The following SVOP variants were observed in gnomAD, a reference collection of about 807,000 sequenced individuals.
The protein encoded by SVOP is synaptic vesicle 2-related protein.
SVOP carries 17 observed loss-of-function variants against 69.1 expected under a neutral mutation model. That is an observed-to-expected ratio of 0.25 (90% confidence interval 0.17 to 0.37). The LOEUF is 0.37. Among genes scored for constraint, SVOP ranks in the 10% least tolerant of loss-of-function variants. SVOP has a pLI of 1.00. For missense variants in SVOP, 435 were observed against 597.5 expected (o/e 0.73, Z 2.84); for synonymous variants, 238 against 238.6 (o/e 1.00, Z 0.02).
intron 9 of SVOP, 48 bp from the exon 10 acceptor site, chr12:108,937,385 A>G (rs888432298): frequency 6.3e-7 from 1 of 1,586,024 alleles, no homozygotes; most frequent in Non-Finnish European, 8.7e-7. Context: ...CTACAGATGC[A>G]CGGGAGATGG....
intron 1 of SVOP, among the ~76,000 whole-genome samples, chr12:108,989,051 G>A (rs1471395209): frequency 1.3e-5 from 2 of 152,076 alleles, no homozygotes; most frequent in Non-Finnish European, 2.9e-5. Flanking sequence ...GGTATTACAG[G>A]CATGAGCCAC....
intron 5 of SVOP, among the ~76,000 whole-genome samples, chr12:108,967,421 C>G (rs1263257900): frequency 6.6e-6 from 1 of 151,960 alleles, no homozygotes; most frequent in Non-Finnish European, 1.5e-5. Flanking sequence ...ATCGCTTGAA[C>G]CTGGGAGGCA....
intron 2 of SVOP, among the ~76,000 whole-genome samples, chr12:108,979,537 C>T (rs550669316): frequency 2.0e-5 from 3 of 152,250 alleles, no homozygotes; most frequent in Non-Finnish European, 4.4e-5. Flanking sequence ...CCACCATGCC[C>T]GGCCTGAAAT....
Position 108,919,805 on chromosome 12 carries a change from G to A in SVOP, c.1157-19C>T, listed in dbSNP as rs2039737754. On this transcript the variant is annotated intron_variant, in intron 12 of 15. Coordinates refer to ENST00000610966, the MANE Select transcript of SVOP (RefSeq NM_018711.5). ...AGGACACCTGGAAGGGGAGTGGGGA[G>A]AGATAGGCAGCTTCCGATGTGATTC... The A allele has an allele frequency of 6.5e-7, 1 of 1,527,378 alleles. No homozygotes were observed. The highest frequency in any genetic ancestry group is 1.2e-5 in the South Asian group (1 of 84,318). 94.6% of individuals were successfully genotyped at this position (1,527,378 alleles called of 1,614,324 possible).
intron 11 of SVOP, among the ~76,000 whole-genome samples, chr12:108,925,535 G>A (rs1469325747): frequency 1.3e-5 from 2 of 152,142 alleles, no homozygotes; most frequent in Admixed American, 1.3e-4. Flanking sequence ...TCAAATCACT[G>A]TTATTCCTCT....
At chr12:108,979,405 A>AAT (rs2040124798) in intron 2 of SVOP, among the ~76,000 whole-genome samples, 1 of 151,450 alleles carries the variant, frequency 6.6e-6, no homozygotes, top group Non-Finnish European at 1.5e-5. Context: ...ATGCCCAGCT[A>AAT]TTTTTTTTCT....
intron 1 of SVOP, among the ~76,000 whole-genome samples, chr12:108,999,260 A>T (rs1291506274): frequency 7.0e-6 from 1 of 143,398 alleles, no homozygotes; most frequent in Non-Finnish European, 1.5e-5. Flanking sequence ...AAGAAGAGCT[A>T]ACTATCCTAA....
intron 12 of SVOP, among the ~76,000 whole-genome samples, chr12:108,922,042 C>T (rs2039751155): frequency 6.6e-6 from 1 of 152,132 alleles, no homozygotes; most frequent in South Asian, 2.1e-4. Flanking sequence ...TTCCAGTGTG[C>T]CTGGTGTTGG....
chr12:108,918,965 C>T (rs1024720419), intron 13 of SVOP, among the ~76,000 whole-genome samples: 1 of 152,126 alleles, frequency 6.6e-6, no homozygotes, highest in African/African-American at 2.4e-5. Flanking sequence ...CACCTTTTTA[C>T]CTGTATCTGC....
Position 108,909,393 on chromosome 12 carries a change from G to A in SVOP, c.*3142C>T, listed in dbSNP as rs2039666408. 1 of 151,464 alleles carries A rather than the reference G, an allele frequency of 6.6e-6. No homozygotes were observed. Among genetic ancestry groups the A allele is most frequent in the Non-Finnish European group, 1.5e-5 (1 of 67,984 alleles). 9.4% of individuals were successfully genotyped at this position (151,464 alleles called of 1,614,324 possible). ...TAGCCAAGCATCAAGGCGGGCACCT[G>A]TAATCCCAGCTACTCAGGAGGCTGA... On this transcript the variant is annotated 3_prime_UTR_variant, in exon 16 of 16. Coordinates refer to ENST00000610966, the MANE Select transcript of SVOP (RefSeq NM_018711.5).
chr12:108,961,464 A>G (rs2040017614), intron 5 of SVOP, among the ~76,000 whole-genome samples: 2 of 145,740 alleles, frequency 1.4e-5, no homozygotes, highest in Admixed American at 1.4e-4. Context: ...GTGAATATAC[A>G]CTTAATTTTT....
intron 4 of SVOP, among the ~76,000 whole-genome samples, chr12:108,972,813 C>A (rs1003465612): frequency 1.3e-5 from 2 of 152,206 alleles, no homozygotes; most frequent in African/African-American, 2.4e-5. Context: ...AGTTTCACAC[C>A]ATCCCAAAGA....
chr12:108,916,013 C>T, intron 14 of SVOP, 141 bp from the exon 15 acceptor site: 1 of 735,194 alleles, frequency 1.4e-6, no homozygotes, highest in Admixed American at 3.4e-5. Flanking sequence ...CCTTAAGGGA[C>T]AGGGATCCTC....
At chr12:108,978,886 G>A (rs1379590236) in intron 2 of SVOP, among the ~76,000 whole-genome samples, 2 of 152,158 alleles carry the variant, frequency 1.3e-5, no homozygotes, top group South Asian at 4.1e-4. Context: ...ATCAACAGGA[G>A]TTGGCTAAAT....
intron 1 of SVOP, among the ~76,000 whole-genome samples, chr12:109,014,617 T>C (rs1053817814): frequency 6.6e-6 from 1 of 152,242 alleles, no homozygotes; most frequent in African/African-American, 2.4e-5. Context: ...GGAACTGCCA[T>C]ACTCTTTTCC....
intron 15 of SVOP, 55 bp from the exon 16 acceptor site, chr12:108,912,796 G>A (rs1252891461): frequency 1.6e-5 from 25 of 1,536,894 alleles, no homozygotes; most frequent in East Asian, 2.3e-5. Flanking sequence ...CACAGACATC[G>A]CCAACCATCA....
At chr12:109,014,153 T>TGGC (rs1439550416) in intron 1 of SVOP, among the ~76,000 whole-genome samples, 115 of 151,912 alleles carry the variant, frequency 7.6e-4, no homozygotes, top group African/African-American at 2.7e-3. Flanking sequence ...GTAGCTGGGA[T>TGGC]TACAGGTGCA....
intron 1 of SVOP, among the ~76,000 whole-genome samples, chr12:109,010,690 A>G (rs2040336627): frequency 6.6e-6 from 1 of 151,258 alleles, no homozygotes; most frequent in Middle Eastern, 3.2e-3. Context: ...TTTTTTAGAG[A>G]GGGGGTCTTG....
chr12:109,007,761 C>T (rs1160260945), intron 1 of SVOP, among the ~76,000 whole-genome samples: 3 of 152,026 alleles, frequency 2.0e-5, no homozygotes, highest in Admixed American at 6.6e-5. Context: ...TAGTTTCAGC[C>T]AGCACAGTGG....
Sources: gnomAD v4.1 joint callset for allele counts (sites outside exome capture counted in the v4.1 genomes callset) on GRCh38, gnomAD v4.1.1 for gene constraint, MANE v1.5 for transcripts, NCBI Gene and HGNC (gene_info 2026-07-23, HGNC 2026-07-21) for gene names.